ZNF138: variants seen among roughly 807,000 people sequenced by gnomAD.
ZNF138 encodes the protein zinc finger protein 138, also known as zinc finger protein 138 (clone pHZ-32).
In ZNF138, 33 loss-of-function variants were observed where a neutral mutation model predicts 33.0. That is an observed-to-expected ratio of 1.00 (90% CI 0.76 to 1.34). ZNF138 has a LOEUF of 1.34. Among genes scored for constraint, ZNF138 ranks in the 40% most tolerant of loss-of-function variants. The probability of loss-of-function intolerance (pLI) is 0.00; values close to 1 mark genes in which losing one functional copy is unlikely to be tolerated. For synonymous variants in ZNF138, 139 were observed against 120.4 expected, an observed-to-expected ratio of 1.15 and a Z score of -1.01; for missense variants, 360 against 370.8, an observed-to-expected ratio of 0.97 and a Z score of 0.24.
intron 1 of ZNF138, among the ~76,000 whole-genome samples, chr7:64,797,876 G>A (rs1786819297): frequency 6.6e-6 from 1 of 152,148 alleles, no homozygotes; most frequent in Non-Finnish European, 1.5e-5. Context: ...GAGCAAAAAA[G>A]ATTAGAAGGT....
chr7:64,827,769 G>A (rs1789759737), intron 3 of ZNF138, among the ~76,000 whole-genome samples: 1 of 151,774 alleles, frequency 6.6e-6, no homozygotes, highest in Admixed American at 6.6e-5. Context: ...ACTTGATGGT[G>A]TCTAGTAAGT....
chr7:64,836,820 G>A (rs1790379014), downstream of ZNF138: 1 of 152,174 alleles, frequency 6.6e-6, no homozygotes, highest in East Asian at 1.9e-4. Flanking sequence ...GGAAAGCTAT[G>A]GGTGCCTGGC....
intron 2 of ZNF138, 105 bp downstream of exon 2, chr7:64,815,149 G>A (rs1788512204): frequency 8.7e-7 from 1 of 1,146,770 alleles, no homozygotes; most frequent in Non-Finnish European, 1.2e-6. Context: ...GCATAAATGA[G>A]TTTCAGATTC....
rs1786734544 is a variant in ZNF138, at chr7:64,796,921, G to A, written c.3+2350G>A. Among the ~76,000 whole-genome samples, 2 of 152,272 alleles carry A rather than the reference G, an allele frequency of 1.3e-5. 1 individual carries two copies. The highest frequency in any genetic ancestry group is 4.1e-4 in the South Asian group (2 of 4,822). On this transcript the variant is annotated intron_variant, in intron 1 of 3. Coordinates refer to ENST00000307355, the MANE Select transcript of ZNF138 (RefSeq NM_001271639.2). ...AGAAATTAGCCATGAATGGTGATAG[G>A]CACCTGTAATCCCAGCTATTCGGGA...
At chr7:64,830,293 T>C (rs1789980397) in intron 3 of ZNF138, among the ~76,000 whole-genome samples, 1 of 152,060 alleles carries the variant, frequency 6.6e-6, no homozygotes, top group African/African-American at 2.4e-5. Context: ...TTTTACATCA[T>C]TTTATCTTAC....
chr7:64,831,169 G>C, intron 3 of ZNF138: 1 of 1,476,446 alleles, frequency 6.8e-7, no homozygotes, highest in South Asian at 1.3e-5. Flanking sequence ...GGAACAGAAA[G>C]AGCTGTGTTG....
In ZNF138 at chr7:64,814,890, TGTGTGTTTGTGTGTGC is replaced by T; in HGVS notation, c.4-23_4-8del. ...CCCATGGCTACTTGGTTAATGTGTG[TGTGTGTTTGTGTGTGC>T]GTGTTTTTCAGGGACCACTGACATT... On this transcript the variant is annotated splice_polypyrimidine_tract_variant and intron_variant, in intron 1 of 3. Transcript: ENST00000307355. 1.2e-6 allele frequency: 2 copies of T among 1,610,742 alleles called. No homozygotes were observed. The highest frequency in any genetic ancestry group is 1.7e-6 in the Non-Finnish European group (2 of 1,177,946).
At chr7:64,829,870 G>A (rs1451558682) in intron 3 of ZNF138, among the ~76,000 whole-genome samples, 5 of 151,832 alleles carry the variant, frequency 3.3e-5, no homozygotes, top group Non-Finnish European at 7.4e-5. Context: ...AGAAATTTAT[G>A]TATTTTCATA....
the ZNF138 span, among the ~76,000 whole-genome samples, chr7:64,840,020 C>T: frequency 2.2e-4 from 34 of 151,896 alleles, no homozygotes; most frequent in East Asian, 1.5e-3. Flanking sequence ...TTGAGTTTCG[C>T]GCTTCTGAGT....
intron 1 of ZNF138, among the ~76,000 whole-genome samples, chr7:64,798,682 G>A (rs1476812414): frequency 6.6e-6 from 1 of 151,254 alleles, no homozygotes; most frequent in Non-Finnish European, 1.5e-5. Flanking sequence ...AGGAGGCTGA[G>A]ACAGGAGAAA....
chr7:64,834,031 A>G (rs543771830), downstream of ZNF138, among the ~76,000 whole-genome samples: 1 of 152,298 alleles, frequency 6.6e-6, no homozygotes, highest in African/African-American at 2.4e-5. Flanking sequence ...CAGCCAATAT[A>G]AGCCTTTAAA....
At chr7:64,849,805 AC>A in the ZNF138 span, among the ~76,000 whole-genome samples, 1 of 151,750 alleles carries the variant, frequency 6.6e-6, no homozygotes, top group East Asian at 1.9e-4. Context: ...CATGCTCCCC[AC>A]CCCCAAGAGC....
chr7:64,819,524 T>C (rs549598295), intron 3 of ZNF138, among the ~76,000 whole-genome samples: 1 of 151,866 alleles, frequency 6.6e-6, no homozygotes, highest in African/African-American at 2.4e-5. Context: ...GCCGCCACCA[T>C]GCCTGGATAT....
chr7:64,850,841 G>C, the ZNF138 span, among the ~76,000 whole-genome samples: 1 of 152,130 alleles, frequency 6.6e-6, no homozygotes, highest in East Asian at 1.9e-4. Context: ...TTTAGATCAT[G>C]ATTAATGTTA....
At chr7:64,818,958 G>C (rs1788894744) in intron 3 of ZNF138, among the ~76,000 whole-genome samples, 1 of 152,112 alleles carries the variant, frequency 6.6e-6, no homozygotes, top group Non-Finnish European at 1.5e-5. Context: ...GATTTTATGA[G>C]TAAACATGTC....
the ZNF138 span, chr7:64,853,212 T>A: frequency 6.2e-7 from 1 of 1,602,338 alleles, no homozygotes; most frequent in African/African-American, 1.3e-5. Flanking sequence ...TTCTTGGAAG[T>A]GGTTCTGTAA....
intron 2 of ZNF138, 81 bp downstream of exon 2, chr7:64,815,125 G>T: frequency 1.5e-6 from 2 of 1,335,294 alleles, no homozygotes; most frequent in Non-Finnish European, 2.0e-6. Flanking sequence ...ATGTCTTTTG[G>T]TAATTTATGC....
rs775189192 is a variant in ZNF138, at chr7:64,831,901, A to G, written c.659A>G (p.Glu220Gly). 36 of 1,613,874 alleles carry G rather than the reference A, an allele frequency of 2.2e-5. No individual in the cohort carries two copies. The highest frequency in any genetic ancestry group is 3.0e-5 in the Non-Finnish European group (35 of 1,179,834). ...LSKPKKIHTGEKPYKCEVCGK... is the reference protein window; with the variant it reads ...LSKPKKIHTGGKPYKCEVCGK... Reference sequence around the variant, plus strand: ...AAACCTAAGAAAATTCATACTGGAGAAAAACCCTACAAATGTGAAGTATGT... The same window carrying G: ...AAACCTAAGAAAATTCATACTGGAGGAAAACCCTACAAATGTGAAGTATGT... The change falls in exon 4 of 4, where the codon GAA becomes GGA. Residue 220 changes from glutamate to glycine, a missense_variant. By Grantham distance (98) the Glu-to-Gly change is moderately conservative. Coordinates refer to ENST00000307355, the MANE Select transcript of ZNF138 (RefSeq NM_001271639.2).
At chr7:64,852,493 G>T in the ZNF138 span, 1 of 1,579,424 alleles carries the variant, frequency 6.3e-7, no homozygotes, top group Non-Finnish European at 8.7e-7. Flanking sequence ...CTGTGTGGTT[G>T]CCCTTCTCTA....
Sources: allele counts gnomAD v4.1 joint callset (sites outside exome capture counted in the v4.1 genomes callset), GRCh38; gene constraint gnomAD v4.1.1; transcripts MANE v1.5; gene names NCBI Gene and HGNC (gene_info 2026-07-23, HGNC 2026-07-21).